GPC6: variants seen among roughly 807,000 people sequenced by gnomAD.
The protein encoded by GPC6 is glypican 6, also known as glypican-6.
In GPC6, 14 loss-of-function variants were observed where a neutral mutation model predicts 55.2. The observed-to-expected ratio is 0.25, with a 90% confidence interval of 0.17 to 0.40. The LOEUF (loss-of-function observed/expected upper bound fraction) is 0.40, where lower values mean the gene tolerates loss of function less well. Among genes scored for constraint, GPC6 ranks in the 10% least tolerant of loss-of-function variants. The pLI is 1.00. For missense variants in GPC6, 641 were observed against 708.5 expected, an observed-to-expected ratio of 0.90 and a Z score of 1.08; for synonymous variants, 278 against 259.6, an observed-to-expected ratio of 1.07 and a Z score of -0.68.
intron 4 of GPC6, among the ~76,000 whole-genome samples, chr13:94,158,687 C>A (rs1357274964): frequency 6.6e-6 from 1 of 151,944 alleles, no homozygotes; most frequent in Non-Finnish European, 1.5e-5. Flanking sequence ...TGAAGATAAA[C>A]TCTGTAAGTG....
At chr13:93,251,903 CT>C (rs1555337316) in intron 1 of GPC6, among the ~76,000 whole-genome samples, 1 of 152,120 alleles carries the variant, frequency 6.6e-6, no homozygotes, top group Non-Finnish European at 1.5e-5. Flanking sequence ...CATTTACTTT[CT>C]TTTTTTGGTC....
At chr13:93,739,036 A>G (rs1267741460) in intron 2 of GPC6, among the ~76,000 whole-genome samples, 1 of 151,962 alleles carries the variant, frequency 6.6e-6, no homozygotes, top group Non-Finnish European at 1.5e-5. Context: ...CAGTTACCCA[A>G]TACAGAGGTC....
intron 1 of GPC6, among the ~76,000 whole-genome samples, chr13:93,228,511 T>C (rs1183057437): frequency 6.6e-6 from 1 of 152,042 alleles, no homozygotes; most frequent in Non-Finnish European, 1.5e-5. Flanking sequence ...TCGGCGCCAG[T>C]GTGTGTAGCA....
chr13:93,938,797 G>A (rs899419941), intron 3 of GPC6, among the ~76,000 whole-genome samples: 2 of 152,074 alleles, frequency 1.3e-5, no homozygotes, highest in African/African-American at 4.8e-5. Context: ...TCCTAACCGA[G>A]TTGTAATTAA....
At chr13:93,335,099 C>T (rs1318295389) in intron 1 of GPC6, among the ~76,000 whole-genome samples, 5 of 152,192 alleles carry the variant, frequency 3.3e-5, no homozygotes, top group Non-Finnish European at 5.9e-5. Flanking sequence ...TTTATTATCA[C>T]TTCCATTCCC....
chr13:94,402,592 C>T (rs991366283), intron 8 of GPC6, among the ~76,000 whole-genome samples: 1 of 152,154 alleles, frequency 6.6e-6, no homozygotes, highest in African/African-American at 2.4e-5. Flanking sequence ...CCACTCTTTC[C>T]TGGTTGGTTG....
intron 4 of GPC6, among the ~76,000 whole-genome samples, chr13:94,048,533 C>T (rs1000978101): frequency 6.6e-6 from 1 of 151,834 alleles, no homozygotes; most frequent in Non-Finnish European, 1.5e-5. Flanking sequence ...TCAGCTTCAA[C>T]GATAATTCAT....
chr13:93,771,826 A>T (rs1206661723), intron 2 of GPC6, among the ~76,000 whole-genome samples: 1 of 152,200 alleles, frequency 6.6e-6, no homozygotes, highest in Non-Finnish European at 1.5e-5. Context: ...AATAAGGAAC[A>T]TGAAAATGTT....
chr13:93,506,929 C>T (rs1594221154), intron 1 of GPC6, among the ~76,000 whole-genome samples: 1 of 148,638 alleles, frequency 6.7e-6, no homozygotes, highest in South Asian at 2.1e-4. Context: ...GGCGTGGCGG[C>T]GGGCGCCTGT....
intron 3 of GPC6, among the ~76,000 whole-genome samples, chr13:93,956,287 A>C (rs1176410110): frequency 6.6e-6 from 1 of 152,064 alleles, no homozygotes; most frequent in South Asian, 2.1e-4. Flanking sequence ...ATAATACATA[A>C]TACTTAATGA....
At chr13:93,470,117 AT>A (rs1459618653) in intron 1 of GPC6, among the ~76,000 whole-genome samples, 4 of 152,076 alleles carry the variant, frequency 2.6e-5, no homozygotes, top group Non-Finnish European at 5.9e-5. Flanking sequence ...TCCCAAATAA[AT>A]TTTAAAATCA....
intron 4 of GPC6, among the ~76,000 whole-genome samples, chr13:94,144,621 A>G (rs1428628860): frequency 1.3e-5 from 2 of 151,850 alleles, no homozygotes; most frequent in Non-Finnish European, 2.9e-5. Context: ...CACTAGTTTA[A>G]CTAAAGGATA....
chr13:93,765,237 T>TGGAAAGACAACTTTCCAGATAAGCTGTCG, intron 2 of GPC6, among the ~76,000 whole-genome samples: 1 of 78,464 alleles, frequency 1.3e-5, no homozygotes, highest in African/African-American at 3.5e-5. Context: ...ATAAATTGTC[T>TGGAAAGACAACTTTCCAGATAAGCTGTCG]GGAAAGACAA....
chr13:94,295,623 T>C (rs1047394994), intron 5 of GPC6, among the ~76,000 whole-genome samples: 2 of 152,120 alleles, frequency 1.3e-5, no homozygotes, highest in Non-Finnish European at 2.9e-5. Flanking sequence ...GTGTCAGCAA[T>C]CCAACTCTAG....
intron 2 of GPC6, among the ~76,000 whole-genome samples, chr13:93,590,090 T>C (rs1877392544): frequency 6.6e-6 from 1 of 152,178 alleles, no homozygotes; most frequent in African/African-American, 2.4e-5. Flanking sequence ...GAAAGTATAT[T>C]GTGTTGTAGT....
chr13:94,313,242 A>T (rs1405460503), intron 6 of GPC6, among the ~76,000 whole-genome samples: 2 of 152,230 alleles, frequency 1.3e-5, no homozygotes, highest in Non-Finnish European at 2.9e-5. Flanking sequence ...GGGGAACATC[A>T]TAAGACACAT....
chr13:94,036,160 G>T (rs1883324909), intron 4 of GPC6, among the ~76,000 whole-genome samples: 1 of 151,928 alleles, frequency 6.6e-6, no homozygotes, highest in African/African-American at 2.4e-5. Flanking sequence ...AAGCTTCATG[G>T]TGTATGAAAA....
intron 4 of GPC6, among the ~76,000 whole-genome samples, chr13:94,143,545 T>C (rs61962337): frequency 0.18 from 27,713 of 152,076 alleles, 2,834 homozygotes; most frequent in Non-Finnish European, 0.23. Flanking sequence ...AATCAGAAAA[T>C]GCAGAAAGAT....
chr13:93,394,417 T>G (rs1243555860), intron 1 of GPC6, among the ~76,000 whole-genome samples: 1 of 152,204 alleles, frequency 6.6e-6, no homozygotes. Flanking sequence ...GATTATGTGG[T>G]TATTGCCTTT....
Sources: gnomAD v4.1 joint callset for allele counts (sites outside exome capture counted in the v4.1 genomes callset) on GRCh38, gnomAD v4.1.1 for gene constraint, MANE v1.5 for transcripts, NCBI Gene and HGNC (gene_info 2026-07-23, HGNC 2026-07-21) for gene names.